Variants in SAMM50 observed in about 807,000 individuals in gnomAD.
The protein encoded by SAMM50 is SAMM50 sorting and assembly machinery component.
A neutral mutation model predicts 66.9 loss-of-function variants in SAMM50; 47 were observed. The observed-to-expected ratio is 0.70, with a 90% CI of 0.56 to 0.90. SAMM50 has a LOEUF of 0.90. Ranked by LOEUF, SAMM50 falls within the 40% of genes least tolerant of loss-of-function variation. SAMM50 has a pLI of 0.00. For missense variants in SAMM50, 535 were observed against 595.3 expected (o/e 0.90, Z 1.05); for synonymous variants, 191 against 214.1 (o/e 0.89, Z 0.94).
At position 43,972,247 on chromosome 22, in the gene SAMM50, C is replaced by G; in HGVS notation, c.334C>G (p.Leu112Val). The change falls in exon 5 of 15, where the codon CTT becomes GTT. Residue 112 changes from leucine to valine, a missense_variant. Physicochemically the swap from Leu to Val is conservative, Grantham distance 32. Coordinates refer to ENST00000350028, the MANE Select transcript of SAMM50 (RefSeq NM_015380.5). ...ATTTTTTTATTTAGGTGATGACGCA[C>G]TTCCAAATGGGTTAGACGTTACCTT... ...LIDTCQGDDA[L>V]PNGLDVTFEV... The G allele has an allele frequency of 6.3e-7, 1 of 1,580,084 alleles. No homozygotes were observed. The highest frequency in any genetic ancestry group is 1.9e-5 in the Admixed American group (1 of 51,840).
chr22:43,993,186 C>G (rs1410316713), intron 14 of SAMM50, among the ~76,000 whole-genome samples: 2 of 152,118 alleles, frequency 1.3e-5, no homozygotes, highest in Non-Finnish European at 2.9e-5. Flanking sequence ...ACTGCAGGCC[C>G]GGGGCTGGAG....
At chr22:43,973,137 G>A (rs888303922) in intron 6 of SAMM50, 99 bp from the exon 7 acceptor site, 16 of 1,342,580 alleles carry the variant, frequency 1.2e-5, no homozygotes, top group Non-Finnish European at 1.6e-5. Context: ...TCCTCTTGAA[G>A]ATGAGCCCTA....
chr22:43,956,766 C>T (rs1191425078), intron 1 of SAMM50, among the ~76,000 whole-genome samples: 4 of 152,146 alleles, frequency 2.6e-5, no homozygotes, highest in Non-Finnish European at 1.5e-5. Context: ...GATTCCGTTC[C>T]TCTGTTGCGG....
chr22:43,984,666 TCGCC>T (rs966308546), intron 12 of SAMM50, among the ~76,000 whole-genome samples: 14 of 150,728 alleles, frequency 9.3e-5, no homozygotes, highest in African/African-American at 3.4e-4. Flanking sequence ...TCTCGCTCTG[TCGCC>T]CAGGCTGGAG....
At chr22:43,963,671 A>C (rs1197381278) in intron 2 of SAMM50, among the ~76,000 whole-genome samples, 1 of 152,210 alleles carries the variant, frequency 6.6e-6, no homozygotes, top group Admixed American at 6.5e-5. Context: ...ACAAACTCAA[A>C]CTATACTTAA....
At chr22:43,963,836 A>G (rs1054958402) in intron 2 of SAMM50, among the ~76,000 whole-genome samples, 1 of 152,062 alleles carries the variant, frequency 6.6e-6, no homozygotes, top group Non-Finnish European at 1.5e-5. Context: ...AGTTTGAGTC[A>G]GCATTTATTG....
chr22:43,995,889 T>C (rs944163619), intron 14 of SAMM50, among the ~76,000 whole-genome samples: 15 of 152,172 alleles, frequency 9.9e-5, no homozygotes, highest in African/African-American at 3.6e-4. Flanking sequence ...CCTGTAGGGC[T>C]GTGGGTACTG....
intron 10 of SAMM50, among the ~76,000 whole-genome samples, chr22:43,979,052 C>T (rs761522526): frequency 8.5e-5 from 13 of 152,180 alleles, no homozygotes; most frequent in African/African-American, 2.4e-4. Context: ...TGGATGTTGT[C>T]GCCTGCTCGC....
intron 12 of SAMM50, chr22:43,986,777 T>G (rs1016398739): frequency 1.3e-5 from 2 of 152,024 alleles, no homozygotes; most frequent in African/African-American, 4.8e-5. Context: ...GGTCTTGAAC[T>G]CCTGACTTCA....
In SAMM50 at chr22:43,976,174, A is replaced by C. The variant is rs142922117; in HGVS notation, c.768A>C (p.Ser256=). The C allele has an allele frequency of 1.9e-4, 305 of 1,604,544 alleles. 2 individuals carry two copies. The highest frequency in any genetic ancestry group is 6.6e-4 in the Middle Eastern group (4 of 6,048). The part of the protein sequence containing the change: ...VRKESGHSLK[S]SLSHAMVIDS... ...AAGAAAGCGGACATTCACTGAAATCATCTCTTTCGGTAACGGTTTCTCTTA... is the reference window on the plus strand; with the variant it reads ...AAGAAAGCGGACATTCACTGAAATCCTCTCTTTCGGTAACGGTTTCTCTTA... Residue 256 remains serine (S), a synonymous_variant, in exon 8 of 15, where the codon TCA becomes TCC. Transcript: ENST00000350028.
At chr22:43,972,436 A>T in intron 5 of SAMM50, 94 bp downstream of exon 5, 1 of 679,860 alleles carries the variant, frequency 1.5e-6, no homozygotes. Context: ...ATAGTTTCAA[A>T]ATTCGGTCAT....
intron 11 of SAMM50, among the ~76,000 whole-genome samples, chr22:43,982,023 A>G (rs1335084603): frequency 6.6e-6 from 1 of 152,246 alleles, no homozygotes; most frequent in African/African-American, 2.4e-5. Context: ...GGAAGCTTAC[A>G]GCAATTTATA....
rs200171442 is a variant in SAMM50 at position 43,990,233 on chromosome 22, G to A, written c.1223-32G>A. The A allele has an allele frequency of 6.5e-5, 105 of 1,613,720 alleles. No individual in the cohort carries two copies. In the African/African-American group the frequency reaches 6.5e-4, roughly 10 times the overall value. On this transcript the variant is annotated intron_variant, in intron 13 of 14. Transcript: ENST00000350028. ...TGGGAGAGCTTGGAAGGACGGGCAC[G>A]CACTGTTGCTCACAGGTCTTTCTCT...
intron 10 of SAMM50, among the ~76,000 whole-genome samples, chr22:43,979,206 TC>T (rs983591955): frequency 6.6e-6 from 1 of 152,214 alleles, no homozygotes; most frequent in African/African-American, 2.4e-5. Context: ...ACCCTGCTTC[TC>T]TCTGGGACAG....
At chr22:43,990,214 A>G in intron 13 of SAMM50, 51 bp from the exon 14 acceptor site, 1 of 1,606,742 alleles carries the variant, frequency 6.2e-7, no homozygotes, top group Non-Finnish European at 8.5e-7. Flanking sequence ...GAGCTGGGAG[A>G]GCTTGGAAGG....
At chr22:43,988,999 C>T in intron 12 of SAMM50, 112 bp from the exon 13 acceptor site, 1 of 1,018,376 alleles carries the variant, frequency 9.8e-7, no homozygotes, top group Non-Finnish European at 1.4e-6. Flanking sequence ...AACTCCAGCA[C>T]TGTGTGGCGT....
rs558554595 is a variant in SAMM50, at chr22:43,980,988, G to A, written c.937-403G>A. Among the ~76,000 whole-genome samples, 132 of 152,296 alleles carry A rather than the reference G, an allele frequency of 8.7e-4. 1 individual carries two copies. Among genetic ancestry groups the A allele is most frequent in the African/African-American group, 2.9e-3 (122 of 41,570 alleles). The stretch of plus-strand genomic sequence containing the variant: ...GGTACCTTCTTTCAGCCTAAAATGC[G>A]TGTGCCCTGAATCCTTCCACATTTT... On this transcript the variant is annotated intron_variant, in intron 10 of 14. Coordinates refer to ENST00000350028, the MANE Select transcript of SAMM50 (RefSeq NM_015380.5).
chr22:43,966,037 T>C (rs2050171683), intron 3 of SAMM50, among the ~76,000 whole-genome samples: 1 of 152,182 alleles, frequency 6.6e-6, no homozygotes, highest in African/African-American at 2.4e-5. Flanking sequence ...GACGGGGTTT[T>C]GCCATGTTGT....
intron 1 of SAMM50, among the ~76,000 whole-genome samples, chr22:43,962,510 T>C (rs777150390): frequency 6.6e-6 from 1 of 152,200 alleles, no homozygotes; most frequent in Admixed American, 6.5e-5. Flanking sequence ...TGAGGTAATA[T>C]CAATTCAGAT....
Sources: allele counts gnomAD v4.1 joint callset (sites outside exome capture counted in the v4.1 genomes callset), GRCh38; gene constraint gnomAD v4.1.1; transcripts MANE v1.5; gene names NCBI Gene and HGNC (gene_info 2026-07-23, HGNC 2026-07-21).